ING1: variants seen among roughly 807,000 people sequenced by gnomAD.
ING1 encodes inhibitor of growth family member 1.
A neutral mutation model predicts 23.1 loss-of-function variants in ING1; 4 were observed. The observed-to-expected ratio is 0.17, with a 90% CI of 0.09 to 0.40. The LOEUF (loss-of-function observed/expected upper bound fraction) is 0.40. Ranked by LOEUF, ING1 falls within the 10% of genes least tolerant of loss-of-function variation. The probability of loss-of-function intolerance (pLI) is 1.00; values close to 1 mark genes in which losing one functional copy is unlikely to be tolerated. For missense variants in ING1, 256 were observed against 393.8 expected (o/e 0.65, Z 2.96); for synonymous variants, 179 against 166.4 (o/e 1.08, Z -0.58).
At position 110,719,677 on chromosome 13, in the gene ING1, G is replaced by A. The variant is rs781310053; in HGVS notation, c.585G>A (p.Glu195=). ...AGAAGCGCTCCAAGGCCAAGGCGGAGCGAGAGGCGTCCCCTGCCGACCTCC... is the reference window on the plus strand; with the variant it reads ...AGAAGCGCTCCAAGGCCAAGGCGGAACGAGAGGCGTCCCCTGCCGACCTCC... ...KKKKRSKAKA[E]REASPADLPI... is the part of the protein sequence containing the mutation. The change falls in exon 2 of 2, where the codon GAG becomes GAA. Residue 195 remains glutamate (E), a synonymous_variant. Transcript: ENST00000333219. This position sits in a 1 kb window ranked among gnomAD's most constrained non-coding sequence, Gnocchi z 8.9. 7 of 1,613,780 alleles carry A rather than the reference G, an allele frequency of 4.3e-6. No homozygotes were observed. Among genetic ancestry groups the A allele is most frequent in the Non-Finnish European group, 5.1e-6 (6 of 1,179,970 alleles).
rs1158710939 is a variant in ING1, at chr13:110,720,853, C to G, written c.*921C>G. 6.0e-6 allele frequency: 1 copy of G among 167,046 alleles called. No homozygotes were observed. Among genetic ancestry groups the G allele is most frequent in the Non-Finnish European group, 1.5e-5 (1 of 68,100 alleles). 10.3% of individuals were successfully genotyped at this position (167,046 alleles called of 1,614,324 possible). A position where few individuals can be genotyped will look rare whatever the true frequency, so the allele number is the denominator to read the frequency against. ...AAAATTTATACACCAGCAATTTAGA[C>G]AAAGCCTTAAGCAAATTTTGTATTA... On this transcript the variant is annotated 3_prime_UTR_variant, in exon 2 of 2. Coordinates refer to ENST00000333219, the MANE Select transcript of ING1 (RefSeq NM_198219.3).
rs1009252272 is a variant in ING1 at position 110,720,520 on chromosome 13, T to C, written c.*588T>C. ...TTTAAAATGCTTGGGTACACTTCTC[T>C]TAAGTGGTCTAGTCAAGGAACCTCA... On this transcript the variant is annotated 3_prime_UTR_variant, in exon 2 of 2. Coordinates refer to ENST00000333219, the MANE Select transcript of ING1 (RefSeq NM_198219.3). 3 of 167,128 alleles carry C rather than the reference T, an allele frequency of 1.8e-5. No individual in the cohort carries two copies. The highest frequency in any genetic ancestry group is 1.9e-4 in the East Asian group (1 of 5,210). The allele number at this position is 167,128 out of a possible 1,614,324, so 10.4% of individuals were successfully genotyped here. A position where few individuals can be genotyped will look rare whatever the true frequency, so the allele number is the denominator to read the frequency against.
upstream of ING1, chr13:110,713,641 G>C: frequency 4.1e-6 from 4 of 985,508 alleles, no homozygotes; most frequent in Non-Finnish European, 4.8e-6. Context: ...AGGGGGCCGG[G>C]GCGCATGCGC....
chr13:110,719,279 G>A lies in ING1; in HGVS notation c.187G>A (p.Asp63Asn). The A allele has an allele frequency of 3.7e-6, 6 of 1,612,262 alleles. No individual in the cohort carries two copies. Among genetic ancestry groups the A allele is most frequent in the Non-Finnish European group, 4.2e-6 (5 of 1,179,954 alleles). Residue 63 changes from aspartate to asparagine, a missense_variant, in exon 2 of 2, where the codon GAC (aspartate) becomes AAC (asparagine). Asp to Asn is a conservative substitution (Grantham distance 23). This residue lies in a region of ING1 where 209 missense variants were observed against 273.8 expected (regional missense o/e 0.76). Transcript: ENST00000333219. This position sits in a 1 kb window ranked among gnomAD's most constrained non-coding sequence, Gnocchi z 8.9. Reference sequence around the variant, plus strand: ...CTACGAGCGCTTCAGTCGCGAGACAGACGGGGCGCAGAAGCGGCGGATGCT... The same window carrying A: ...CTACGAGCGCTTCAGTCGCGAGACAAACGGGGCGCAGAAGCGGCGGATGCT... The part of the protein sequence containing the change: ...ECYERFSRET[D>N]GAQKRRMLHC...
upstream of ING1, chr13:110,712,883 G>GT (rs1299158984): frequency 1.4e-6 from 2 of 1,406,558 alleles, no homozygotes; most frequent in Admixed American, 2.0e-5. Flanking sequence ...TCCAAACTGA[G>GT]TACCGGGAGA....
At chr13:110,713,271 C>G, upstream of ING1, 1 of 1,311,972 alleles carries the variant, frequency 7.6e-7, no homozygotes, top group Non-Finnish European at 9.7e-7. Context: ...GAGTCAGGGG[C>G]TGAGGAGCGA....
chr13:110,713,907 G>C lies in ING1; in HGVS notation c.-243G>C, dbSNP rs976026946. On this transcript the variant is annotated 5_prime_UTR_variant, in exon 1 of 2. Coordinates refer to ENST00000333219, the MANE Select transcript of ING1 (RefSeq NM_198219.3). ...CGCCTGAGAGGGGGCCTGCGCCGCC[G>C]GCCGGGGCGTGCGCCCGGGAGCCAC... 1 of 981,188 alleles carries C rather than the reference G, an allele frequency of 1.0e-6. No individual in the cohort carries two copies. Among genetic ancestry groups the C allele is most frequent in the Non-Finnish European group, 1.2e-6 (1 of 829,250 alleles). 60.8% of individuals were successfully genotyped at this position (981,188 alleles called of 1,614,324 possible). A position where few individuals can be genotyped will look rare whatever the true frequency, so the allele number is the denominator to read the frequency against.
At chr13:110,715,024 G>A in intron 1 of ING1, 1 of 995,422 alleles carries the variant, frequency 1.0e-6, no homozygotes, top group Non-Finnish European at 1.2e-6. Context: ...CGCTCGGGGG[G>A]GCGCGGGCAG....
upstream of ING1, chr13:110,713,178 T>G: frequency 1.4e-6 from 2 of 1,427,486 alleles, no homozygotes; most frequent in Non-Finnish European, 1.8e-6. Context: ...GCTGTCAAAG[T>G]GATGTTGGCA....
At chr13:110,717,147 A>G (rs1385745376) in intron 1 of ING1, among the ~76,000 whole-genome samples, 2 of 152,352 alleles carry the variant, frequency 1.3e-5, no homozygotes, top group South Asian at 2.1e-4. Flanking sequence ...AAGAAGTGAT[A>G]CCATTTTGTA....
chr13:110,719,135 G>T lies in ING1; in HGVS notation c.137-94G>T. ...GGGCAAGCCGTGCGCTGGCCCCTAG[G>T]CTCCCTGCCAGCCCTCTCCGTAGAC... is the stretch of plus-strand genomic sequence containing the variant. On this transcript the variant is annotated intron_variant, in intron 1 of 1. Transcript: ENST00000333219. The surrounding 1 kb of genome is among the most constrained non-coding windows in gnomAD (Gnocchi z 8.9). The T allele has an allele frequency of 8.0e-7, 1 of 1,247,830 alleles. No individual in the cohort carries two copies. The highest frequency in any genetic ancestry group is 1.1e-6 in the Non-Finnish European group (1 of 887,728). 77.3% of individuals were successfully genotyped at this position (1,247,830 alleles called of 1,614,324 possible).
rs562136078 is a variant in ING1, at chr13:110,715,350, T to C, written c.136+1065T>C. On this transcript the variant is annotated intron_variant, in intron 1 of 1. Coordinates refer to ENST00000333219, the MANE Select transcript of ING1 (RefSeq NM_198219.3). The stretch of plus-strand genomic sequence containing the variant: ...TCTGCCGGGAAGGCGCCCCTGCGCG[T>C]TCTATCCGAGACGTAGCTTCGCAGC... 6.1e-6 allele frequency: 9 copies of C among 1,468,858 alleles called. No homozygotes were observed. In the Admixed American group the frequency reaches 1.8e-4, roughly 29 times the overall value. The allele number at this position is 1,468,858 out of a possible 1,614,324, so 91.0% of individuals were successfully genotyped here. A position where few individuals can be genotyped will look rare whatever the true frequency, so the allele number is the denominator to read the frequency against.
At chr13:110,717,753 G>A (rs567380759) in intron 1 of ING1, among the ~76,000 whole-genome samples, 10 of 152,166 alleles carry the variant, frequency 6.6e-5, no homozygotes, top group South Asian at 2.1e-4. Context: ...CTTGAACCTG[G>A]GAGGCAGGTT....
At chr13:110,715,574 GGAGC>G (rs752041839) in intron 1 of ING1, 4 of 1,613,996 alleles carry the variant, frequency 2.5e-6, no homozygotes, top group Admixed American at 1.7e-5. Flanking sequence ...TTTTCGGGGA[GGAGC>G]GGGGTGGAGG....
At chr13:110,716,018 T>A in intron 1 of ING1, 1 of 1,491,542 alleles carries the variant, frequency 6.7e-7, no homozygotes, top group East Asian at 2.3e-5. Flanking sequence ...CGTGAGTGAC[T>A]GGGGCTGCGT....
In ING1 at chr13:110,721,428, A is replaced by G. The variant is rs1218823885; in HGVS notation, c.*1496A>G. ...AGGCATGCACCACCACGCCTGGCTA[A>G]TTTTGTATTTTCAGTAGAGACGCGG... On this transcript the variant is annotated 3_prime_UTR_variant, in exon 2 of 2. Transcript: ENST00000333219. 6.6e-6 allele frequency: 1 copy of G among 151,872 alleles called. No individual in the cohort carries two copies. The highest frequency in any genetic ancestry group is 2.4e-5 in the African/African-American group (1 of 41,300). 9.4% of individuals were successfully genotyped at this position (151,872 alleles called of 1,614,324 possible). A position where few individuals can be genotyped will look rare whatever the true frequency, so the allele number is the denominator to read the frequency against.
intron 1 of ING1, chr13:110,715,339 G>A (rs1203097868): frequency 5.5e-6 from 8 of 1,452,958 alleles, no homozygotes; most frequent in African/African-American, 1.4e-5. Context: ...CCGGGAAGGC[G>A]CCCCTGCGCG....
At chr13:110,716,857 A>G (rs951026705) in intron 1 of ING1, among the ~76,000 whole-genome samples, 2 of 152,342 alleles carry the variant, frequency 1.3e-5, no homozygotes, top group South Asian at 2.1e-4. Context: ...ATGGCTTCCT[A>G]TTTAGCAGTG....
At chr13:110,717,837 A>C (rs941783386) in intron 1 of ING1, among the ~76,000 whole-genome samples, 1 of 152,206 alleles carries the variant, frequency 6.6e-6, no homozygotes, top group East Asian at 1.9e-4. Context: ...ACAACAACAA[A>C]AAAAGGTAGT....
Sources: gnomAD v4.1 joint callset for allele counts (sites outside exome capture counted in the v4.1 genomes callset) on GRCh38, gnomAD v4.1.1 for gene constraint, gnomAD v4.1.1 regional missense constraint, Gnocchi (gnomAD v3.1) non-coding constraint, MANE v1.5 for transcripts, NCBI Gene and HGNC (gene_info 2026-07-23, HGNC 2026-07-21) for gene names.